GNL3L: variants seen among roughly 807,000 people sequenced by gnomAD.
The protein encoded by GNL3L is guanine nucleotide-binding protein-like 3-like protein.
Under a neutral mutation model 42.9 loss-of-function variants are expected in GNL3L, and 4 were observed. That is an observed-to-expected ratio of 0.09 (90% CI 0.05 to 0.21). The LOEUF (loss-of-function observed/expected upper bound fraction) is 0.21. Among genes scored for constraint, GNL3L ranks in the 10% least tolerant of loss-of-function variants. The pLI, the probability that GNL3L is intolerant of heterozygous loss-of-function variation, is 1.00. For missense variants in GNL3L, 412 were observed against 481.7 expected, an observed-to-expected ratio of 0.86 and a Z score of 1.36; for synonymous variants, 159 against 176.3, an observed-to-expected ratio of 0.90 and a Z score of 0.78.
chrX:54,576,055 A>G (rs1053895466), intron 16 of GNL3L, among the ~76,000 whole-genome samples: 5 of 112,313 alleles, frequency 4.5e-5, no homozygotes, highest in African/African-American at 1.6e-4. Flanking sequence ...GTGGGTTGAT[A>G]GTGTTCAGAT....
At position 54,605,873 on chromosome X, in the gene GNL3L, G is replaced by C. The variant is rs755841477; in HGVS notation, c.*46-14972G>C. On this transcript the variant is annotated intron_variant, in intron 16 of 16. Transcript: ENST00000674498. ...ATACTTCCCTTAGGACATGTTTCTG[G>C]GCCAGTGGATTCTATACCAATGTCT... Among the ~76,000 whole-genome samples, 4 of 110,912 alleles carry C rather than the reference G, an allele frequency of 3.6e-5. No individual in the cohort carries two copies. The East Asian group carries it at 1.1e-3, about 32-fold the overall frequency.
At chrX:54,623,246 C>A (rs1485443196), downstream of GNL3L, among the ~76,000 whole-genome samples, 1 of 104,273 alleles carries the variant, frequency 9.6e-6, no homozygotes, top group Non-Finnish European at 1.9e-5. Flanking sequence ...TCCATTTCTG[C>A]AAAAAAAGGA....
intron 14 of GNL3L, among the ~76,000 whole-genome samples, chrX:54,556,679 C>T (rs957360647): frequency 9.0e-6 from 1 of 110,895 alleles, no homozygotes; most frequent in Admixed American, 9.6e-5. Flanking sequence ...TGCGCCCAGC[C>T]AGAGACAGAC....
intron 16 of GNL3L, among the ~76,000 whole-genome samples, chrX:54,607,503 G>A (rs1258829072): frequency 1.8e-5 from 2 of 109,617 alleles, no homozygotes; most frequent in African/African-American, 3.3e-5. Flanking sequence ...GATCAGGGAA[G>A]TTATAAGGCT....
intron 16 of GNL3L, among the ~76,000 whole-genome samples, chrX:54,577,062 T>G (rs1432211589): frequency 8.9e-6 from 1 of 112,139 alleles, no homozygotes; most frequent in Non-Finnish European, 1.9e-5. Flanking sequence ...CTCCCCATTC[T>G]CCTTTCCCTC....
At position 54,538,920 on chromosome X, in the gene GNL3L, C is replaced by T. The variant is rs1184819321; in HGVS notation, c.20-120C>T. The T allele has an allele frequency of 6.6e-6, 3 of 453,072 alleles. No homozygotes were observed. In the Admixed American group the frequency reaches 1.2e-4, roughly 18 times the overall value. The allele number at this position is 453,072 out of a possible 1,213,427, so 37.3% of individuals were successfully genotyped here. A position where few individuals can be genotyped will look rare whatever the true frequency, so the allele number is the denominator to read the frequency against. On this transcript the variant is annotated intron_variant, in intron 2 of 15. Transcript: ENST00000360845. ...TCTCTTGTCTTGTGCTGGATCTAGA[C>T]AGACATGGTATCTGAGGCTTCCTAG...
intron 16 of GNL3L, among the ~76,000 whole-genome samples, chrX:54,573,031 G>A (rs1189948433): frequency 1.0e-4 from 11 of 108,435 alleles, no homozygotes; most frequent in Non-Finnish European, 2.1e-4. Context: ...ATGGGATGGC[G>A]GCCGGGCAGA....
rs903240566 is a variant in GNL3L at position 54,558,325 on chromosome X, G to A, written c.1447-111G>A. The A allele has an allele frequency of 9.6e-6, 5 of 518,470 alleles. No individual in the cohort carries two copies. In the African/African-American group the frequency reaches 1.2e-4, roughly 12 times the overall value. 42.7% of individuals were successfully genotyped at this position (518,470 alleles called of 1,213,427 possible). A position where few individuals can be genotyped will look rare whatever the true frequency, so the allele number is the denominator to read the frequency against. The stretch of plus-strand genomic sequence containing the variant: ...CAGAATTGGAGCCTAGTTCCACATG[G>A]CTCCAGGCTCCTGTTCTTACCCAAG... On this transcript the variant is annotated intron_variant, in intron 14 of 15. Transcript: ENST00000360845.
chrX:54,630,280 T>C, the GNL3L span, among the ~76,000 whole-genome samples: 4 of 111,184 alleles, frequency 3.6e-5, no homozygotes, highest in African/African-American at 1.3e-4. Context: ...TTCTTACTTC[T>C]TTTCTTCTGC....
intron 16 of GNL3L, among the ~76,000 whole-genome samples, chrX:54,575,720 C>T (rs893975101): frequency 1.8e-5 from 2 of 109,101 alleles, no homozygotes; most frequent in Non-Finnish European, 3.8e-5. Context: ...GGTGACAGAG[C>T]AAGACTCCGT....
In GNL3L at chrX:54,563,389, G is replaced by A. The variant is rs1243603671; in HGVS notation, c.*2787G>A. Among the ~76,000 whole-genome samples the A allele has an allele frequency of 9.0e-6, 1 of 111,205 alleles. No homozygotes were observed. Among genetic ancestry groups the A allele is most frequent in the Non-Finnish European group, 1.9e-5 (1 of 53,131 alleles). On this transcript the variant is annotated 3_prime_UTR_variant, in exon 16 of 16. Transcript: ENST00000360845. The stretch of plus-strand genomic sequence containing the variant: ...CATCGGTAATGGAGAAGTGCTGGGA[G>A]GTAAATATTAGAAATGGAAGTATCT...
the GNL3L span, among the ~76,000 whole-genome samples, chrX:54,636,772 T>C: frequency 1.8e-5 from 2 of 112,389 alleles, no homozygotes; most frequent in Non-Finnish European, 3.8e-5. Context: ...CAATCCACTG[T>C]TGATGGGCAT....
Position 54,589,928 on chromosome X carries a change from AT to A in GNL3L, c.*45+29293del, listed in dbSNP as rs964655380. On this transcript the variant is annotated intron_variant, in intron 16 of 16. Coordinates refer to the GNL3L transcript ENST00000674498. ...ATTGCCTGTCTTTTGGTTACAAGCC[AT>A]TTTTTTTTTTTATTAATTATTATTT... 7.2e-3 allele frequency among the ~76,000 whole-genome samples: 726 copies of A among 101,445 alleles called. 1 individual carries two copies. The highest frequency in any genetic ancestry group is 0.013 in the African/African-American group (361 of 28,202). The allele number at this position is 101,445 out of a possible 115,157, so 88.1% of individuals were successfully genotyped here. A position where few individuals can be genotyped will look rare whatever the true frequency, so the allele number is the denominator to read the frequency against.
chrX:54,624,110 G>A (rs1371951666), downstream of GNL3L, among the ~76,000 whole-genome samples: 3 of 111,007 alleles, frequency 2.7e-5, no homozygotes, highest in African/African-American at 6.6e-5. Flanking sequence ...TTGGAGAGAC[G>A]GGGTTTTGCA....
chrX:54,550,860 C>T, intron 9 of GNL3L, 103 bp from the exon 10 acceptor site: 1 of 529,978 alleles, frequency 1.9e-6, no homozygotes, highest in Non-Finnish European at 3.2e-6. Context: ...TTTGGCTTCC[C>T]CATGGCCTGG....
At chrX:54,605,412 C>T (rs1011444051) in intron 16 of GNL3L, among the ~76,000 whole-genome samples, 2 of 111,358 alleles carry the variant, frequency 1.8e-5, no homozygotes, top group Admixed American at 1.9e-4. Context: ...GGCTCCAAAT[C>T]TAGCCTAGAT....
At chrX:54,614,402 C>T (rs1039496494) in intron 16 of GNL3L, among the ~76,000 whole-genome samples, 4 of 111,076 alleles carry the variant, frequency 3.6e-5, no homozygotes, top group African/African-American at 9.8e-5. Context: ...AGTCTGCACA[C>T]CGGATTTGCG....
At chrX:54,531,224 G>C (rs1924235438) in intron 1 of GNL3L, among the ~76,000 whole-genome samples, 1 of 111,512 alleles carries the variant, frequency 9.0e-6, no homozygotes, top group South Asian at 3.7e-4. Flanking sequence ...CTCCCTTTGA[G>C]GTAGACACAG....
Position 54,560,759 on chromosome X carries a change from G to A in GNL3L, c.*157G>A, listed in dbSNP as rs1489772003. ...CCCCTCCTCCAGTAAAAACAGTCCC[G>A]GCTAGGTGCTGTGGCTCACGTCTGT... On this transcript the variant is annotated 3_prime_UTR_variant, in exon 16 of 16. Coordinates refer to ENST00000360845, the MANE Select transcript of GNL3L (RefSeq NM_001184819.2). 1.2e-5 allele frequency: 5 copies of A among 430,279 alleles called. No individual in the cohort carries two copies. The highest frequency in any genetic ancestry group is 2.0e-5 in the Non-Finnish European group (5 of 245,679). 35.5% of individuals were successfully genotyped at this position (430,279 alleles called of 1,213,427 possible).
Sources: allele counts gnomAD v4.1 joint callset (sites outside exome capture counted in the v4.1 genomes callset), GRCh38; gene constraint gnomAD v4.1.1; transcripts MANE v1.5; gene names NCBI Gene and HGNC (gene_info 2026-07-23, HGNC 2026-07-21).